PARVA: variants seen among roughly 807,000 people sequenced by gnomAD.
The protein encoded by PARVA is parvin alpha, also known as alpha-parvin.
PARVA carries 25 observed loss-of-function variants against 52.6 expected under a neutral mutation model. The observed-to-expected ratio is 0.48, with a 90% CI of 0.35 to 0.66. The LOEUF is 0.66. Among genes scored for constraint, PARVA ranks in the 30% least tolerant of loss-of-function variants. The pLI, the probability that PARVA is intolerant of heterozygous loss-of-function variation, is 0.01. For missense variants in PARVA, 373 were observed against 450.9 expected, an observed-to-expected ratio of 0.83 and a Z score of 1.56; for synonymous variants, 185 against 179.1, an observed-to-expected ratio of 1.03 and a Z score of -0.26.
chr11:12,513,083 A>G (rs1331411338), intron 8 of PARVA: 1 of 684,138 alleles, frequency 1.5e-6, no homozygotes, highest in Non-Finnish European at 2.7e-6. Flanking sequence ...TAATGTACAC[A>G]TGCACGGACA....
chr11:12,513,432 C>T (rs1174802772), intron 9 of PARVA, 72 bp downstream of exon 9: 11 of 1,373,590 alleles, frequency 8.0e-6, no homozygotes, highest in East Asian at 2.3e-5. Context: ...CCCATCCCTG[C>T]AGCTTGCGAG....
At chr11:12,495,406 T>C (rs1480645644) in intron 4 of PARVA, among the ~76,000 whole-genome samples, 3 of 152,204 alleles carry the variant, frequency 2.0e-5, no homozygotes, top group Non-Finnish European at 4.4e-5. Flanking sequence ...TATTGATACA[T>C]AGTAAAATTT....
chr11:12,508,160 T>C (rs4756903), intron 6 of PARVA, among the ~76,000 whole-genome samples: 1 of 148,786 alleles, frequency 6.7e-6, no homozygotes, highest in Non-Finnish European at 1.5e-5. Context: ...TCTGAATTCC[T>C]AGTTGGCCTC....
At chr11:12,492,468 C>A (rs1455229998) in intron 4 of PARVA, among the ~76,000 whole-genome samples, 2 of 152,032 alleles carry the variant, frequency 1.3e-5, no homozygotes, top group African/African-American at 4.8e-5. Flanking sequence ...CTGAAATTAG[C>A]CCACAAAAGA....
Position 12,531,736 on chromosome 11 carries a change from C to T in PARVA, c.*3811C>T, listed in dbSNP as rs184381664. On this transcript the variant is annotated 3_prime_UTR_variant, in exon 13 of 13. Coordinates refer to ENST00000334956, the MANE Select transcript of PARVA (RefSeq NM_018222.5). ...GAAATCTTCACTAATTCCAAGATTG[C>T]GTGTCATTTCCCCCAAAAATTTGCT... is the stretch of plus-strand genomic sequence containing the variant. Among the ~76,000 whole-genome samples the T allele has an allele frequency of 4.6e-5, 7 of 151,666 alleles. No homozygotes were observed. Among genetic ancestry groups the T allele is most frequent in the East Asian group, 1.9e-4 (1 of 5,182 alleles).
chr11:12,527,679 T>C (rs1371537758), intron 12 of PARVA, among the ~76,000 whole-genome samples, 170 bp from the exon 13 acceptor site: 1 of 152,110 alleles, frequency 6.6e-6, no homozygotes. Flanking sequence ...CCCCAGCACC[T>C]CTACCCTCAC....
chr11:12,437,241 G>A (rs1014008404), intron 1 of PARVA, among the ~76,000 whole-genome samples: 1 of 152,162 alleles, frequency 6.6e-6, no homozygotes, highest in Non-Finnish European at 1.5e-5. Context: ...AACAAGAAAG[G>A]ACTGCAGAAA....
At chr11:12,515,278 C>T (rs529194807) in intron 10 of PARVA, among the ~76,000 whole-genome samples, 29 of 152,226 alleles carry the variant, frequency 1.9e-4, no homozygotes, top group Admixed American at 7.2e-4. Flanking sequence ...CTGCCTTATA[C>T]TTCTCTTTCA....
intron 4 of PARVA, among the ~76,000 whole-genome samples, chr11:12,492,525 C>T (rs544306505): frequency 6.6e-6 from 1 of 152,038 alleles, no homozygotes; most frequent in Admixed American, 6.5e-5. Flanking sequence ...TACTATTAAG[C>T]TATAGAAATA....
chr11:12,442,346 G>A (rs1237462955), intron 1 of PARVA, among the ~76,000 whole-genome samples: 1 of 152,168 alleles, frequency 6.6e-6, no homozygotes, highest in Admixed American at 6.5e-5. Context: ...GTAAGCTTTG[G>A]GAAGCATTAA....
chr11:12,454,345 T>C (rs1589963467), intron 1 of PARVA, among the ~76,000 whole-genome samples: 1 of 152,334 alleles, frequency 6.6e-6, no homozygotes. Context: ...TAATGTAATT[T>C]GTTGACTTTC....
At position 12,513,877 on chromosome 11, in the gene PARVA, G is replaced by A. The variant is rs1941534899; in HGVS notation, c.799-120G>A. On this transcript the variant is annotated intron_variant, in intron 9 of 12. Coordinates refer to ENST00000334956, the MANE Select transcript of PARVA (RefSeq NM_018222.5). ...GAGAGCTCCTGGGCCCAGGGCTCTT[G>A]GCTGGGCCTGATCCTCTGCTTTCAC... 4.6e-6 allele frequency: 4 copies of A among 873,514 alleles called. No individual in the cohort carries two copies. In the East Asian group the frequency reaches 1.0e-4, roughly 23 times the overall value. The allele number at this position is 873,514 out of a possible 1,614,324, so 54.1% of individuals were successfully genotyped here.
intron 1 of PARVA, among the ~76,000 whole-genome samples, chr11:12,419,520 TG>T (rs1353936479): frequency 6.6e-6 from 1 of 152,250 alleles, no homozygotes; most frequent in Non-Finnish European, 1.5e-5. Context: ...ATTCATCCAT[TG>T]TCGGACACTT....
At chr11:12,439,622 T>G (rs1475799287) in intron 1 of PARVA, among the ~76,000 whole-genome samples, 2 of 152,132 alleles carry the variant, frequency 1.3e-5, no homozygotes, top group Non-Finnish European at 2.9e-5. Context: ...AGACCAGCAA[T>G]CCGTGTCACT....
intron 6 of PARVA, among the ~76,000 whole-genome samples, chr11:12,507,576 CCAT>C (rs775805060): frequency 6.6e-6 from 1 of 152,114 alleles, no homozygotes; most frequent in Non-Finnish European, 1.5e-5. Context: ...GCCATTCCTC[CCAT>C]TGAAATAACC....
intron 3 of PARVA, among the ~76,000 whole-genome samples, chr11:12,476,936 T>C (rs1268926233): frequency 1.3e-5 from 2 of 152,148 alleles, no homozygotes; most frequent in African/African-American, 4.8e-5. Context: ...TGGAGAAATG[T>C]CAAAACTGTA....
intron 3 of PARVA, 89 bp downstream of exon 3, chr11:12,474,072 C>A: frequency 9.3e-7 from 1 of 1,070,572 alleles, no homozygotes; most frequent in Non-Finnish European, 1.4e-6. Flanking sequence ...CCCCACGAGC[C>A]CCTGAGAGAA....
intron 1 of PARVA, among the ~76,000 whole-genome samples, chr11:12,420,712 A>G (rs1559844): frequency 0.12 from 18,410 of 152,220 alleles, 2,054 homozygotes; most frequent in African/African-American, 0.3. Context: ...CACTGTTCTA[A>G]GCACTTTACA....
chr11:12,427,787 C>T (rs1322843737), intron 1 of PARVA, among the ~76,000 whole-genome samples: 6 of 152,232 alleles, frequency 3.9e-5, no homozygotes, highest in African/African-American at 1.4e-4. Context: ...CTAACTTTTA[C>T]TCTCTTGAGA....
Sources: gnomAD v4.1 joint callset for allele counts (sites outside exome capture counted in the v4.1 genomes callset) on GRCh38, gnomAD v4.1.1 for gene constraint, MANE v1.5 for transcripts, NCBI Gene and HGNC (gene_info 2026-07-23, HGNC 2026-07-21) for gene names.